The following GREB1 variants were observed in gnomAD, a reference collection of about 807,000 sequenced individuals.
GREB1 encodes the protein growth regulating estrogen receptor binding 1.
GREB1 carries 106 observed loss-of-function variants against 200.7 expected under a neutral mutation model. The ratio of observed to expected loss-of-function variants is 0.53; its 90% confidence interval spans 0.45 to 0.62. The LOEUF (loss-of-function observed/expected upper bound fraction) is 0.62. Among genes scored for constraint, GREB1 ranks in the 20% least tolerant of loss-of-function variants. GREB1 has a pLI of 0.00. For missense variants in GREB1, 2,243 were observed against 2,556.8 expected, an observed-to-expected ratio of 0.88 and a Z score of 2.65; for synonymous variants, 1,132 against 1,092.4, an observed-to-expected ratio of 1.04 and a Z score of -0.72.
upstream of GREB1, among the ~76,000 whole-genome samples, chr2:11,533,206 G>A (rs542856359): frequency 2.6e-5 from 4 of 152,196 alleles, no homozygotes; most frequent in East Asian, 3.9e-4. Flanking sequence ...AAATAGAGAC[G>A]GGGATTGGGA....
chr2:11,598,882 A>T, intron 15 of GREB1, 22 bp downstream of exon 15: 1 of 1,590,126 alleles, frequency 6.3e-7, no homozygotes, highest in Non-Finnish European at 8.6e-7. Context: ...TTGATATATG[A>T]CAAGTTGACA....
chr2:11,583,213 C>T (rs1679698829), intron 7 of GREB1, among the ~76,000 whole-genome samples: 1 of 152,226 alleles, frequency 6.6e-6, no homozygotes, highest in Admixed American at 6.5e-5. Flanking sequence ...TGCGTCTCTT[C>T]AATCCTTACT....
chr2:11,606,244 C>A (rs990988811), intron 17 of GREB1, among the ~76,000 whole-genome samples: 1 of 152,212 alleles, frequency 6.6e-6, no homozygotes, highest in African/African-American at 2.4e-5. Flanking sequence ...TACAAGTGGA[C>A]CCTTGAAGTT....
intron 1 of GREB1, among the ~76,000 whole-genome samples, chr2:11,515,919 G>C (rs903914638): frequency 1.3e-5 from 2 of 152,216 alleles, no homozygotes; most frequent in South Asian, 2.1e-4. Flanking sequence ...TAGGGAGGCA[G>C]ATTTAGCCAG....
chr2:11,541,020 T>G (rs554927115), intron 1 of GREB1, among the ~76,000 whole-genome samples: 2 of 152,270 alleles, frequency 1.3e-5, no homozygotes, highest in African/African-American at 4.8e-5. Flanking sequence ...CAGTTAGAAT[T>G]TAGTTGTAGG....
intron 7 of GREB1, among the ~76,000 whole-genome samples, chr2:11,581,856 G>C (rs554906504): frequency 2.0e-5 from 3 of 152,170 alleles, no homozygotes; most frequent in Non-Finnish European, 4.4e-5. Flanking sequence ...GGATCTCCCT[G>C]GTGAAAATCT....
chr2:11,616,527 G>C, intron 20 of GREB1, 104 bp from the exon 21 acceptor site: 1 of 758,632 alleles, frequency 1.3e-6, no homozygotes, highest in South Asian at 1.5e-5. Context: ...TAAATGGATG[G>C]GGAGAGGTGA....
Position 11,631,764 on chromosome 2 carries a change from T to A in GREB1, c.4612-145T>A, listed in dbSNP as rs1684893895. On this transcript the variant is annotated intron_variant, in intron 26 of 32. Transcript: ENST00000381486. Reference sequence around the variant, plus strand: ...GGCCATTTTTCCTCCCTTTTACTGGTAAAAGCAAGTCACAAGGCTGAAAAT... The same window carrying A: ...GGCCATTTTTCCTCCCTTTTACTGGAAAAAGCAAGTCACAAGGCTGAAAAT... 4.4e-6 allele frequency: 3 copies of A among 675,722 alleles called. No individual in the cohort carries two copies. The South Asian group carries it at 5.4e-5, about 12-fold the overall frequency. 41.9% of individuals were successfully genotyped at this position (675,722 alleles called of 1,614,324 possible). A position where few individuals can be genotyped will look rare whatever the true frequency, so the allele number is the denominator to read the frequency against.
intron 5 of GREB1, 54 bp from the exon 6 acceptor site, chr2:11,578,243 G>A (rs561538863): frequency 9.0e-5 from 142 of 1,578,408 alleles, no homozygotes; most frequent in South Asian, 4.3e-4. Context: ...AACTCATTTC[G>A]TAGTTGTTGG....
chr2:11,489,556 AT>A (rs1672734854), intron 1 of GREB1, among the ~76,000 whole-genome samples: 1 of 152,210 alleles, frequency 6.6e-6, no homozygotes, highest in Non-Finnish European at 1.5e-5. Context: ...TTAGTTTCAT[AT>A]TTCTCAAATA....
rs1685754654 is a variant in GREB1, at chr2:11,640,660, G to C, written c.*206G>C. The stretch of plus-strand genomic sequence containing the variant: ...CCGCAGTGGGTGAGAATGAAAACTT[G>C]AGACTCCCAAGTTCTGGGCCAGCCC... On this transcript the variant is annotated 3_prime_UTR_variant, in exon 33 of 33. Transcript: ENST00000381486. This position sits in a 1 kb window ranked among gnomAD's most constrained non-coding sequence, Gnocchi z 4.6. 1.7e-6 allele frequency: 1 copy of C among 576,682 alleles called. No homozygotes were observed. Among genetic ancestry groups the C allele is most frequent in the Admixed American group, 3.4e-5 (1 of 29,414 alleles). 35.7% of individuals were successfully genotyped at this position (576,682 alleles called of 1,614,324 possible). A position where few individuals can be genotyped will look rare whatever the true frequency, so the allele number is the denominator to read the frequency against.
Position 11,556,535 on chromosome 2 carries a change from A to C in GREB1, c.-80A>C. The C allele has an allele frequency of 8.3e-7, 1 of 1,200,416 alleles. No homozygotes were observed. Among genetic ancestry groups the C allele is most frequent in the East Asian group, 2.5e-5 (1 of 40,790 alleles). The allele number at this position is 1,200,416 out of a possible 1,614,324, so 74.4% of individuals were successfully genotyped here. The stretch of plus-strand genomic sequence containing the variant: ...GGCCCTTCCTCCTTGCAGCTGTTTC[A>C]CCTTCTACCTTGCGTGGAGCCAGGC... On this transcript the variant is annotated 5_prime_UTR_variant, in exon 2 of 33. Transcript: ENST00000381486.
intron 3 of GREB1, among the ~76,000 whole-genome samples, chr2:11,563,701 AC>A (rs1212828379): frequency 6.6e-6 from 1 of 152,100 alleles, no homozygotes; most frequent in African/African-American, 2.4e-5. Flanking sequence ...ACACTATGGT[AC>A]CCCCTATACA....
Position 11,548,221 on chromosome 2 carries a change from GACATGTGCAC to G in GREB1, c.-161-8221_-161-8212del, listed in dbSNP as rs985643334. ...ACACATTCTCACATGCACACAGCCA[GACATGTGCAC>G]ACATGTGCACATACCCAAACATATG... is the stretch of plus-strand genomic sequence containing the variant. On this transcript the variant is annotated intron_variant, in intron 1 of 32. Transcript: ENST00000381486. This position sits in a 1 kb window ranked among gnomAD's most constrained non-coding sequence, Gnocchi z 5.1. Among the ~76,000 whole-genome samples, 3 of 149,844 alleles carry G rather than the reference GACATGTGCAC, an allele frequency of 2.0e-5. No individual in the cohort carries two copies. Among genetic ancestry groups the G allele is most frequent in the Admixed American group, 2.0e-4 (3 of 15,090 alleles).
chr2:11,543,816 T>G (rs1309461539), intron 1 of GREB1, among the ~76,000 whole-genome samples: 5 of 152,116 alleles, frequency 3.3e-5, no homozygotes, highest in African/African-American at 1.2e-4. Flanking sequence ...GGTGTCCATG[T>G]TCGTGTGCAG....
intron 2 of GREB1, chr2:11,561,268 C>T (rs1676996176): frequency 6.6e-6 from 1 of 152,156 alleles, no homozygotes; most frequent in Admixed American, 6.5e-5. Flanking sequence ...TTCCTACATC[C>T]ATACCATACC....
chr2:11,555,939 G>T (rs978196955), intron 1 of GREB1, among the ~76,000 whole-genome samples: 2 of 152,156 alleles, frequency 1.3e-5, no homozygotes, highest in African/African-American at 4.8e-5. Context: ...TGGGGGGATA[G>T]AAAATAAATC....
At chr2:11,490,370 T>G (rs1000827038) in intron 1 of GREB1, among the ~76,000 whole-genome samples, 1 of 152,238 alleles carries the variant, frequency 6.6e-6, no homozygotes, top group Non-Finnish European at 1.5e-5. Context: ...TTACCCGTGT[T>G]GTAGCATGTA....
chr2:11,499,558 A>G (rs564184644), intron 1 of GREB1, among the ~76,000 whole-genome samples: 2 of 152,386 alleles, frequency 1.3e-5, no homozygotes, highest in South Asian at 4.1e-4. Context: ...AGCTACTTAC[A>G]TCAGTCTCTT....
Sources: allele counts gnomAD v4.1 joint callset (sites outside exome capture counted in the v4.1 genomes callset), GRCh38; gene constraint gnomAD v4.1.1; non-coding constraint Gnocchi (gnomAD v3.1); transcripts MANE v1.5; gene names NCBI Gene and HGNC (gene_info 2026-07-23, HGNC 2026-07-21).